Variants in CA10 observed in about 807,000 individuals in gnomAD.
The protein encoded by CA10 is carbonic anhydrase-related protein 10.
A neutral mutation model predicts 44.2 loss-of-function variants in CA10; 14 were observed. That is an observed-to-expected ratio of 0.32 (90% CI 0.21 to 0.50). CA10 has a LOEUF of 0.50. Among genes scored for constraint, CA10 ranks in the 20% least tolerant of loss-of-function variants. The pLI, the probability that CA10 is intolerant of heterozygous loss-of-function variation, is 0.99. For synonymous variants in CA10, 159 were observed against 141.6 expected, an observed-to-expected ratio of 1.12 and a Z score of -0.87; for missense variants, 350 against 409.7, an observed-to-expected ratio of 0.85 and a Z score of 1.26.
chr17:51,681,333 A>G (rs112090045), intron 4 of CA10, among the ~76,000 whole-genome samples: 3,602 of 152,232 alleles, frequency 0.024, 103 homozygotes, highest in Non-Finnish European at 0.03. Flanking sequence ...ATGAACACGA[A>G]CTGATTTTCT....
chr17:51,733,147 G>T (rs2143566029), intron 4 of CA10, among the ~76,000 whole-genome samples: 1 of 152,286 alleles, frequency 6.6e-6, no homozygotes, highest in African/African-American at 2.4e-5. Flanking sequence ...ATTTGTTCTT[G>T]GGTGCAGCCC....
chr17:52,118,484 T>C (rs1433855178), intron 1 of CA10, among the ~76,000 whole-genome samples: 1 of 152,178 alleles, frequency 6.6e-6, no homozygotes, highest in Non-Finnish European at 1.5e-5. Context: ...TTAACAGGCT[T>C]CCCTGAATCA....
chr17:52,128,398 C>T (rs1417606509), intron 1 of CA10, among the ~76,000 whole-genome samples: 4 of 152,196 alleles, frequency 2.6e-5, no homozygotes, highest in African/African-American at 7.2e-5. Context: ...GTACTTACCA[C>T]TCAGCTTCAC....
intron 4 of CA10, among the ~76,000 whole-genome samples, chr17:51,691,222 T>C (rs1296416582): frequency 6.6e-6 from 1 of 152,216 alleles, no homozygotes; most frequent in Non-Finnish European, 1.5e-5. Context: ...TCACATCCTT[T>C]GCACATATTC....
rs1038579113 is a variant in CA10 at position 52,072,248 on chromosome 17, T to A, written c.136+71A>T. ...CTGCCTCACCTTTTGCAATGTAAAA[T>A]CCTGGAAATAATGCTAGCCTTCATT... On this transcript the variant is annotated intron_variant, in intron 2 of 8. Transcript: ENST00000451037. 1.9e-5 allele frequency: 21 copies of A among 1,103,392 alleles called. No homozygotes were observed. The Admixed American group carries it at 3.2e-4, about 17-fold the overall frequency. 68.4% of individuals were successfully genotyped at this position (1,103,392 alleles called of 1,614,324 possible). A position where few individuals can be genotyped will look rare whatever the true frequency, so the allele number is the denominator to read the frequency against.
chr17:51,930,816 G>A (rs1982626736), intron 3 of CA10, among the ~76,000 whole-genome samples, 174 bp downstream of exon 3: 1 of 151,988 alleles, frequency 6.6e-6, no homozygotes, highest in Non-Finnish European at 1.5e-5. Context: ...GACTAGTTAG[G>A]GAGAAAAAGC....
intron 4 of CA10, among the ~76,000 whole-genome samples, chr17:51,697,724 C>T (rs1360880764): frequency 2.0e-5 from 3 of 152,188 alleles, no homozygotes; most frequent in Non-Finnish European, 2.9e-5. Context: ...ATAGAAGGCA[C>T]CCCATAAATA....
At chr17:51,789,462 A>G (rs945276669) in intron 3 of CA10, among the ~76,000 whole-genome samples, 4 of 152,188 alleles carry the variant, frequency 2.6e-5, no homozygotes, top group Admixed American at 2.6e-4. Context: ...TCTATGTTCC[A>G]TCAACAAATC....
intron 1 of CA10, among the ~76,000 whole-genome samples, chr17:52,089,718 T>G (rs913139467): frequency 6.6e-6 from 1 of 152,054 alleles, no homozygotes; most frequent in Non-Finnish European, 1.5e-5. Context: ...GAAATGTATA[T>G]ATATTTTATA....
At chr17:51,773,084 A>T (rs1430246728) in intron 3 of CA10, among the ~76,000 whole-genome samples, 2 of 152,174 alleles carry the variant, frequency 1.3e-5, no homozygotes, top group Non-Finnish European at 2.9e-5. Flanking sequence ...TCTATTTCCT[A>T]CCTGACTAAC....
intron 3 of CA10, among the ~76,000 whole-genome samples, chr17:51,912,095 A>G (rs1981812081): frequency 6.6e-6 from 1 of 152,190 alleles, no homozygotes; most frequent in Non-Finnish European, 1.5e-5. Context: ...ACCATGTTAT[A>G]TGTAGCACCG....
intron 3 of CA10, among the ~76,000 whole-genome samples, chr17:51,784,495 A>G (rs1200634166): frequency 1.3e-5 from 2 of 151,900 alleles, no homozygotes; most frequent in African/African-American, 4.8e-5. Flanking sequence ...CCACTAACCG[A>G]CCTCTGTTTA....
chr17:51,962,066 C>G (rs76037093), intron 2 of CA10, among the ~76,000 whole-genome samples: 30 of 152,274 alleles, frequency 2.0e-4, no homozygotes, highest in African/African-American at 7.0e-4. Context: ...CCTCTCTGCC[C>G]AATGCCCAGG....
intron 3 of CA10, among the ~76,000 whole-genome samples, chr17:51,780,090 G>A (rs1905996380): frequency 6.6e-6 from 1 of 152,186 alleles, no homozygotes; most frequent in Non-Finnish European, 1.5e-5. Context: ...AGATTCTAGA[G>A]TGTAATCATA....
intron 2 of CA10, among the ~76,000 whole-genome samples, chr17:52,027,698 T>G (rs1986344209): frequency 6.6e-6 from 1 of 152,172 alleles, no homozygotes; most frequent in African/African-American, 2.4e-5. Flanking sequence ...ATTCACTTTT[T>G]TCCCCTCACC....
chr17:51,663,236 C>CA (rs534229435), intron 4 of CA10, among the ~76,000 whole-genome samples: 150,199 of 150,208 alleles, frequency 1, 75,095 homozygotes, highest in Middle Eastern at 1. Flanking sequence ...GTTTCGAGAC[C>CA]ACTTTTTCTC....
chr17:52,016,366 A>G (rs920792730), intron 2 of CA10, among the ~76,000 whole-genome samples: 3 of 152,134 alleles, frequency 2.0e-5, no homozygotes, highest in African/African-American at 4.8e-5. Context: ...CTATATTTCC[A>G]GTGCATTGCA....
At chr17:52,150,546 T>A (rs967184491) in intron 1 of CA10, among the ~76,000 whole-genome samples, 1 of 152,166 alleles carries the variant, frequency 6.6e-6, no homozygotes, top group African/African-American at 2.4e-5. Flanking sequence ...GTCTCTACAC[T>A]CATTTTATAG....
chr17:52,063,882 C>A (rs1161337947), intron 2 of CA10, among the ~76,000 whole-genome samples: 1 of 152,196 alleles, frequency 6.6e-6, no homozygotes, highest in African/African-American at 2.4e-5. Flanking sequence ...TGTACACACC[C>A]TCTAGTATGA....
Sources: gnomAD v4.1 joint callset for allele counts (sites outside exome capture counted in the v4.1 genomes callset) on GRCh38, gnomAD v4.1.1 for gene constraint, MANE v1.5 for transcripts, NCBI Gene and HGNC (gene_info 2026-07-23, HGNC 2026-07-21) for gene names.